Variants in DNAH5 observed in about 807,000 individuals in gnomAD.
DNAH5 encodes axonemal beta dynein heavy chain 5.
DNAH5 carries 372 observed loss-of-function variants against 518.2 expected under a neutral mutation model. The ratio of observed to expected loss-of-function variants is 0.72; its 90% CI spans 0.66 to 0.78. The LOEUF is 0.78. Among genes scored for constraint, DNAH5 ranks in the 30% least tolerant of loss-of-function variants. The pLI is 0.00. For synonymous variants in DNAH5, 2,039 were observed against 2,025.9 expected (o/e 1.01, Z -0.17); for missense variants, 5,523 against 5,687.0 (o/e 0.97, Z 0.93).
intron 1 of DNAH5, among the ~76,000 whole-genome samples, chr5:13,982,496 T>C (rs11960454): frequency 7.0e-6 from 1 of 142,694 alleles, no homozygotes; most frequent in African/African-American, 2.5e-5. Flanking sequence ...ATATGCACTA[T>C]TGCATGAGTG....
chr5:13,820,662 A>C (rs2151815006), intron 40 of DNAH5, among the ~76,000 whole-genome samples, 163 bp from the exon 41 acceptor site: 1 of 152,024 alleles, frequency 6.6e-6, no homozygotes, highest in East Asian at 1.9e-4. Context: ...GTCTCTACTA[A>C]AAAAATACAA....
At chr5:13,794,145 C>A (rs564252624) in intron 47 of DNAH5, 87 bp from the exon 48 acceptor site, 5 of 1,547,006 alleles carry the variant, frequency 3.2e-6, no homozygotes, top group East Asian at 2.3e-5. Flanking sequence ...AAACTGGTAA[C>A]CTTTGAACTG....
intron 22 of DNAH5, among the ~76,000 whole-genome samples, chr5:13,876,127 G>T (rs896321818): frequency 6.6e-6 from 1 of 152,126 alleles, no homozygotes; most frequent in Non-Finnish European, 1.5e-5. Context: ...CAAAAAAGGG[G>T]AAGTTGAGAG....
chr5:13,780,967 A>G lies in DNAH5; in HGVS notation c.8821-8T>C, dbSNP rs747829743. 18 of 1,613,268 alleles carry G rather than the reference A, an allele frequency of 1.1e-5. No homozygotes were observed. The South Asian group carries it at 1.2e-4, about 11-fold the overall frequency. On this transcript the variant is annotated splice_region_variant and splice_polypyrimidine_tract_variant and intron_variant, in intron 52 of 78. Transcript: ENST00000265104. ...ACGAATGACACGAGAGATCTGTAAT[A>G]TGGAACAGAAAAAGTATGTATCTTT...
intron 68 of DNAH5, 22 bp downstream of exon 68, chr5:13,735,109 T>C (rs1435756236): frequency 3.1e-6 from 5 of 1,611,294 alleles, no homozygotes; most frequent in South Asian, 2.2e-5. Context: ...CTGTGCGCTA[T>C]AGTCTCTATT....
At chr5:13,995,035 A>G (rs2662626) in intron 1 of DNAH5, among the ~76,000 whole-genome samples, 15,271 of 152,076 alleles carry the variant, frequency 0.1, 1,678 homozygotes, top group African/African-American at 0.27. Flanking sequence ...GTAGAGGCCA[A>G]TTTGAGACTA....
In DNAH5 at chr5:13,830,734, C is replaced by T; in HGVS notation, c.5924G>A (p.Gly1975Glu). ...GCCTGCAGGTCCAGCAGGGGCTCCC[C>T]CCATGCTCATTCCCAGAGCTTGAGC... ...TLAQALGMSM[G>E]GAPAGPAGTG... Residue 1975 changes from glycine to glutamate, a missense_variant, in exon 36 of 79, where the codon GGG becomes GAG. Coordinates refer to ENST00000265104, the MANE Select transcript of DNAH5 (RefSeq NM_001369.3). 3 of 1,614,192 alleles carry T rather than the reference C, an allele frequency of 1.9e-6. No individual in the cohort carries two copies. Among genetic ancestry groups the T allele is most frequent in the Non-Finnish European group, 2.5e-6 (3 of 1,180,032 alleles).
Position 13,840,793 on chromosome 5 carries a change from G to A in DNAH5, c.5709+113C>T, listed in dbSNP as rs576108580. 1.1e-4 allele frequency: 94 copies of A among 838,110 alleles called. No homozygotes were observed. In the East Asian group the frequency reaches 2.0e-3, roughly 18 times the overall value. The allele number at this position is 838,110 out of a possible 1,614,324, so 51.9% of individuals were successfully genotyped here. A position where few individuals can be genotyped will look rare whatever the true frequency, so the allele number is the denominator to read the frequency against. ...GCTCTGATTACAAACATGATTCTTT[G>A]CCAGAATTTAATTTTTTCCTTGAAT... On this transcript the variant is annotated intron_variant, in intron 34 of 78. Transcript: ENST00000265104.
chr5:13,990,189 G>C (rs1473976152), intron 1 of DNAH5, among the ~76,000 whole-genome samples: 1 of 151,962 alleles, frequency 6.6e-6, no homozygotes, highest in African/African-American at 2.4e-5. Context: ...AGAAGAGAGG[G>C]GGCAGGGATG....
At chr5:13,798,338 T>A (rs1433293819) in intron 47 of DNAH5, among the ~76,000 whole-genome samples, 1 of 152,218 alleles carries the variant, frequency 6.6e-6, no homozygotes, top group Non-Finnish European at 1.5e-5. Flanking sequence ...GAATCAATTG[T>A]CTTTCAAAAT....
chr5:13,908,753 C>G (rs534026605), intron 12 of DNAH5, among the ~76,000 whole-genome samples: 1 of 152,182 alleles, frequency 6.6e-6, no homozygotes, highest in African/African-American at 2.4e-5. Flanking sequence ...AGTACCAGCA[C>G]GAACCCTAAA....
chr5:13,889,200 T>G (rs1018139658), intron 17 of DNAH5, among the ~76,000 whole-genome samples: 51 of 152,330 alleles, frequency 3.3e-4, no homozygotes, highest in African/African-American at 1.0e-3. Flanking sequence ...AAATTTAAAT[T>G]TAAAACAAGT....
rs978728083 is a variant in DNAH5, at chr5:13,786,423, C to G, written c.8648-72G>C. The G allele has an allele frequency of 2.3e-5, 32 of 1,411,072 alleles. No homozygotes were observed. The Middle Eastern group carries it at 1.7e-3, about 75-fold the overall frequency. 87.4% of individuals were successfully genotyped at this position (1,411,072 alleles called of 1,614,324 possible). On this transcript the variant is annotated intron_variant, in intron 51 of 78. Transcript: ENST00000265104. ...TTTTACTTCAATCTAAATTAATACA[C>G]TCAAAGCTCTACAACCTAACACTGA...
chr5:13,776,947 C>T lies in DNAH5; in HGVS notation c.9106-241G>A, dbSNP rs746855878. ...ACATGCCAAAAATCTAATTAGCTTT[C>T]TTTCTAACTTCGCTCTTCTGTTTTT... On this transcript the variant is annotated intron_variant, in intron 54 of 78. Coordinates refer to ENST00000265104, the MANE Select transcript of DNAH5 (RefSeq NM_001369.3). 2.6e-5 allele frequency among the ~76,000 whole-genome samples: 4 copies of T among 152,294 alleles called. No individual in the cohort carries two copies. In the South Asian group the frequency reaches 8.3e-4, roughly 32 times the overall value.
At chr5:13,980,125 A>T (rs1285833110) in intron 1 of DNAH5, among the ~76,000 whole-genome samples, 1 of 152,016 alleles carries the variant, frequency 6.6e-6, no homozygotes, top group Non-Finnish European at 1.5e-5. Flanking sequence ...GGCGTGACCC[A>T]CCGTGCCCAG....
intron 1 of DNAH5, among the ~76,000 whole-genome samples, chr5:13,993,882 C>G (rs1257919291): frequency 5.3e-5 from 8 of 152,212 alleles, no homozygotes; most frequent in Non-Finnish European, 8.8e-5. Context: ...AAGATCACCT[C>G]CAGCTGTGAC....
chr5:13,727,569 G>T lies in DNAH5; in HGVS notation c.11971C>A (p.Leu3991Ile), dbSNP rs748361020. Residue 3991 changes from leucine (L) to isoleucine (I), a missense_variant, in exon 70 of 79, where the codon CTT becomes ATT. Physicochemically the swap from Leu to Ile is conservative, Grantham distance 5. Transcript: ENST00000265104. ...AGGAGAAGACGTCTGAAGCAGTCAA[G>T]AGATTTATCATAGGCATTTGGAAGA... The part of the protein sequence containing the change: ...EPLPNAYDKS[L>I]DCFRRLLLIR... 1 of 1,613,936 alleles carries T rather than the reference G, an allele frequency of 6.2e-7. No individual in the cohort carries two copies. The highest frequency in any genetic ancestry group is 1.1e-5 in the South Asian group (1 of 91,078).
chr5:13,875,496 A>G (rs554517334), intron 22 of DNAH5, among the ~76,000 whole-genome samples: 4 of 149,492 alleles, frequency 2.7e-5, no homozygotes, highest in South Asian at 2.1e-4. Flanking sequence ...AGACACAGAG[A>G]TAAGTATTTT....
At chr5:13,856,042 T>A (rs1032085767) in intron 30 of DNAH5, among the ~76,000 whole-genome samples, 44 of 152,062 alleles carry the variant, frequency 2.9e-4, no homozygotes, top group African/African-American at 1.1e-3. Context: ...CAGGAGAAAG[T>A]GGAAAAGATC....
Sources: allele counts gnomAD v4.1 joint callset (sites outside exome capture counted in the v4.1 genomes callset), GRCh38; gene constraint gnomAD v4.1.1; transcripts MANE v1.5; gene names NCBI Gene and HGNC (gene_info 2026-07-23, HGNC 2026-07-21).